Variants in GRM7 observed in about 807,000 individuals in gnomAD.
GRM7 encodes the protein glutamate metabotropic receptor 7, also known as metabotropic glutamate receptor 7.
Under a neutral mutation model 84.5 loss-of-function variants are expected in GRM7, and 35 were observed. That is an observed-to-expected ratio of 0.41 (90% CI 0.32 to 0.55). GRM7 has a LOEUF of 0.55. Ranked by LOEUF, GRM7 falls within the 20% of genes least tolerant of loss-of-function variation. The probability of loss-of-function intolerance (pLI) is 0.19; values close to 1 mark genes in which losing one functional copy is unlikely to be tolerated. For synonymous variants in GRM7, 487 were observed against 455.1 expected (o/e 1.07, Z -0.89); for missense variants, 1,003 against 1,194.6 (o/e 0.84, Z 2.36).
chr3:7,388,129 A>G (rs1694856495), intron 4 of GRM7, among the ~76,000 whole-genome samples: 1 of 152,016 alleles, frequency 6.6e-6, no homozygotes, highest in Non-Finnish European at 1.5e-5. Flanking sequence ...TACTTTTTGT[A>G]TGTTGATATT....
intron 7 of GRM7, among the ~76,000 whole-genome samples, chr3:7,499,686 G>A (rs967933844): frequency 5.3e-5 from 8 of 151,938 alleles, no homozygotes; most frequent in African/African-American, 1.9e-4. Context: ...TTCAACTCTT[G>A]AACACTCCCA....
chr3:7,317,462 A>C (rs2125049111), intron 4 of GRM7, among the ~76,000 whole-genome samples: 1 of 152,280 alleles, frequency 6.6e-6, no homozygotes, highest in South Asian at 2.1e-4. Flanking sequence ...ATTGAGCAAT[A>C]ACTTAAGAGA....
intron 9 of GRM7, among the ~76,000 whole-genome samples, chr3:7,700,110 T>C (rs1701172627): frequency 6.6e-6 from 1 of 152,196 alleles, no homozygotes; most frequent in Non-Finnish European, 1.5e-5. Flanking sequence ...TCTAGGACTT[T>C]TGGGAGATCA....
intron 1 of GRM7, among the ~76,000 whole-genome samples, chr3:7,077,273 C>T (rs925213579): frequency 6.6e-6 from 1 of 152,122 alleles, no homozygotes; most frequent in South Asian, 2.1e-4. Flanking sequence ...CACATACACA[C>T]GTATGTTTAT....
chr3:7,619,498 T>C (rs1342781108), intron 8 of GRM7, among the ~76,000 whole-genome samples: 1 of 152,030 alleles, frequency 6.6e-6, no homozygotes, highest in Non-Finnish European at 1.5e-5. Flanking sequence ...CGGGCCTATA[T>C]ACTAAACTGT....
chr3:7,452,353 A>G (rs1478466622), intron 5 of GRM7, among the ~76,000 whole-genome samples: 3 of 152,128 alleles, frequency 2.0e-5, no homozygotes, highest in Non-Finnish European at 4.4e-5. Flanking sequence ...AGGGACCACT[A>G]TATTTTGAAT....
intron 1 of GRM7, among the ~76,000 whole-genome samples, chr3:7,022,894 G>A (rs1695831705): frequency 6.6e-6 from 1 of 152,148 alleles, no homozygotes; most frequent in Admixed American, 6.5e-5. Context: ...TGTACATGGA[G>A]GAGGCAGGCA....
chr3:7,088,162 C>T (rs2125005250), intron 1 of GRM7, among the ~76,000 whole-genome samples: 1 of 152,248 alleles, frequency 6.6e-6, no homozygotes, highest in East Asian at 1.9e-4. Context: ...ATGCCTATTC[C>T]AGCCGTCTAA....
At chr3:7,661,339 G>C (rs1269751684) in intron 8 of GRM7, among the ~76,000 whole-genome samples, 1 of 151,940 alleles carries the variant, frequency 6.6e-6, no homozygotes, top group South Asian at 2.1e-4. Flanking sequence ...ATAGCAACAG[G>C]GAATTTTCTC....
intron 8 of GRM7, among the ~76,000 whole-genome samples, chr3:7,650,514 GTGT>G (rs1427148101): frequency 2.6e-5 from 4 of 152,274 alleles, no homozygotes; most frequent in Non-Finnish European, 4.4e-5. Context: ...GGTAAAAAAA[GTGT>G]TGTTTTTGTT....
intron 2 of GRM7, among the ~76,000 whole-genome samples, chr3:7,276,838 A>G (rs1699090459): frequency 3.6e-5 from 1 of 27,548 alleles, no homozygotes; most frequent in South Asian, 1.1e-3. Context: ...ACAGTAAGAC[A>G]TATTAGTCTT....
chr3:7,065,601 T>C (rs1418748077), intron 1 of GRM7, among the ~76,000 whole-genome samples: 2 of 152,020 alleles, frequency 1.3e-5, no homozygotes, highest in African/African-American at 2.4e-5. Flanking sequence ...AGCCTTATAG[T>C]ATAGTTTGAA....
At chr3:7,300,211 G>C (rs1345037298) in intron 3 of GRM7, among the ~76,000 whole-genome samples, 1 of 152,130 alleles carries the variant, frequency 6.6e-6, no homozygotes, top group African/African-American at 2.4e-5. Flanking sequence ...CTTTTATTCA[G>C]GGTAAAGGTT....
intron 2 of GRM7, among the ~76,000 whole-genome samples, chr3:7,237,967 A>G (rs1318260163): frequency 1.3e-5 from 2 of 152,124 alleles, no homozygotes; most frequent in African/African-American, 2.4e-5. Flanking sequence ...CAGAGTGCTG[A>G]TTGGTGTGTT....
intron 9 of GRM7, among the ~76,000 whole-genome samples, chr3:7,739,974 T>C (rs939988391): frequency 2.6e-5 from 4 of 152,146 alleles, no homozygotes; most frequent in African/African-American, 9.7e-5. Context: ...ACAGACCTTT[T>C]CCAAGCAAAG....
At chr3:7,066,903 C>A (rs1169927151) in intron 1 of GRM7, among the ~76,000 whole-genome samples, 1 of 151,926 alleles carries the variant, frequency 6.6e-6, no homozygotes, top group Non-Finnish European at 1.5e-5. Flanking sequence ...GCCACATAAA[C>A]AGATTTAAAA....
At chr3:7,514,950 G>T (rs961407489) in intron 7 of GRM7, among the ~76,000 whole-genome samples, 2 of 151,474 alleles carry the variant, frequency 1.3e-5, no homozygotes, top group African/African-American at 4.9e-5. Context: ...TTCGAGTTAT[G>T]ACTGTTGAGT....
intron 7 of GRM7, among the ~76,000 whole-genome samples, chr3:7,498,386 G>A (rs1187518287): frequency 6.6e-6 from 1 of 152,202 alleles, no homozygotes; most frequent in East Asian, 1.9e-4. Flanking sequence ...ATTGTGCCAT[G>A]TGGCTGACAC....
intron 7 of GRM7, among the ~76,000 whole-genome samples, chr3:7,481,643 T>G (rs1439174522): frequency 1.3e-5 from 2 of 152,182 alleles, no homozygotes; most frequent in African/African-American, 4.8e-5. Context: ...TTGCTATGTG[T>G]GGCCAAGCCC....
Sources: allele counts gnomAD v4.1 joint callset (sites outside exome capture counted in the v4.1 genomes callset), GRCh38; gene constraint gnomAD v4.1.1; transcripts MANE v1.5; gene names NCBI Gene and HGNC (gene_info 2026-07-23, HGNC 2026-07-21).